CLMN: variants seen among roughly 807,000 people sequenced by gnomAD.
CLMN encodes the protein calmin.
A neutral mutation model predicts 92.7 loss-of-function variants in CLMN; 57 were observed. The observed-to-expected ratio is 0.61, with a 90% CI of 0.50 to 0.77. The LOEUF (loss-of-function observed/expected upper bound fraction) is 0.77. Among genes scored for constraint, CLMN ranks in the 30% least tolerant of loss-of-function variants. CLMN has a pLI of 0.00. For synonymous variants in CLMN, 466 were observed against 470.6 expected, an observed-to-expected ratio of 0.99 and a Z score of 0.13; for missense variants, 1,158 against 1,237.5, an observed-to-expected ratio of 0.94 and a Z score of 0.96.
chr14:95,198,515 G>A (rs1478927971), intron 9 of CLMN, among the ~76,000 whole-genome samples: 4 of 151,920 alleles, frequency 2.6e-5, no homozygotes, highest in Non-Finnish European at 5.9e-5. Context: ...GCTGCACTTG[G>A]GAGCAAATTG....
At chr14:95,318,333 C>T (rs913697657) in intron 1 of CLMN, among the ~76,000 whole-genome samples, 3 of 152,220 alleles carry the variant, frequency 2.0e-5, no homozygotes, top group East Asian at 1.9e-4. Context: ...ACATCCCAGC[C>T]CAAGCCTCCT....
In CLMN at chr14:95,294,220, G is replaced by A. The variant is rs1900717852; in HGVS notation, c.82+25491C>T. Among the ~76,000 whole-genome samples, 1 of 152,228 alleles carries A rather than the reference G, an allele frequency of 6.6e-6. No homozygotes were observed. The highest frequency in any genetic ancestry group is 1.5e-5 in the Non-Finnish European group (1 of 68,036). Reference sequence around the variant, plus strand: ...TGCTAAGCACCTACTATGTGCCAGGGACTGGACAGACTACAAAGATGAGGA... The same window carrying A: ...TGCTAAGCACCTACTATGTGCCAGGAACTGGACAGACTACAAAGATGAGGA... On this transcript the variant is annotated intron_variant, in intron 1 of 12. Coordinates refer to ENST00000298912, the MANE Select transcript of CLMN (RefSeq NM_024734.4). This position sits in a 1 kb window ranked among gnomAD's most constrained non-coding sequence, Gnocchi z 4.2.
intron 6 of CLMN, among the ~76,000 whole-genome samples, chr14:95,212,598 C>A (rs1897229364): frequency 6.6e-6 from 1 of 152,080 alleles, no homozygotes; most frequent in Non-Finnish European, 1.5e-5. Context: ...CTGGAAGATA[C>A]CCTGAAGCTT....
rs1263881917 is a variant in CLMN at position 95,209,402 on chromosome 14, A to G, written c.878T>C (p.Leu293Ser). 6.2e-7 allele frequency: 1 copy of G among 1,614,058 alleles called. No individual in the cohort carries two copies. Among genetic ancestry groups the G allele is most frequent in the South Asian group, 1.1e-5 (1 of 91,080 alleles). Residue 293 changes from leucine to serine, a missense_variant, in exon 8 of 13, where the codon TTG (leucine) becomes TCG (serine). Physicochemically the swap from Leu to Ser is moderately radical, Grantham distance 145. Coordinates refer to ENST00000298912, the MANE Select transcript of CLMN (RefSeq NM_024734.4). ...TAAGAAAAGCAAACATACGGCTTCCAACTCCGGAAAACGTTCTAGAAACTG... is the reference window on the plus strand; with the variant it reads ...TAAGAAAAGCAAACATACGGCTTCCGACTCCGGAAAACGTTCTAGAAACTG... ...VAQFLERFPELEAEDIFDSDK... is the reference protein window; with the variant it reads ...VAQFLERFPESEAEDIFDSDK...
At chr14:95,254,477 G>A (rs1595063076) in intron 1 of CLMN, among the ~76,000 whole-genome samples, 1 of 152,134 alleles carries the variant, frequency 6.6e-6, no homozygotes, top group East Asian at 1.9e-4. Context: ...GTGGAGCTGT[G>A]TAGAATATAC....
chr14:95,246,580 T>C (rs1292202506), intron 1 of CLMN, among the ~76,000 whole-genome samples: 1 of 152,216 alleles, frequency 6.6e-6, no homozygotes, highest in Admixed American at 6.5e-5. Flanking sequence ...GCCATTCTCT[T>C]GCCTCAGCCT....
intron 1 of CLMN, among the ~76,000 whole-genome samples, chr14:95,242,975 T>C (rs544584443): frequency 1.6e-4 from 24 of 152,302 alleles, no homozygotes; most frequent in Non-Finnish European, 2.6e-4. Context: ...AAGGGCCACA[T>C]AGTAAATGTT....
At chr14:95,287,465 T>C (rs1900389204) in intron 1 of CLMN, among the ~76,000 whole-genome samples, 3 of 152,168 alleles carry the variant, frequency 2.0e-5, no homozygotes, top group Admixed American at 2.0e-4. Context: ...TCCCTGTTTG[T>C]CACTTACTTG....
intron 1 of CLMN, among the ~76,000 whole-genome samples, chr14:95,290,961 A>G (rs1184423173): frequency 1.3e-5 from 2 of 152,168 alleles, no homozygotes; most frequent in Non-Finnish European, 2.9e-5. Context: ...TGCAGCAGAG[A>G]TGACACAAAC....
At chr14:95,214,868 A>G (rs1354036858) in intron 5 of CLMN, among the ~76,000 whole-genome samples, 1 of 151,872 alleles carries the variant, frequency 6.6e-6, no homozygotes. Flanking sequence ...CGTGTGGATC[A>G]CTTTCACTCT....
At chr14:95,307,863 G>A (rs957060410) in intron 1 of CLMN, 1 of 152,216 alleles carries the variant, frequency 6.6e-6, no homozygotes, top group Non-Finnish European at 1.5e-5. Context: ...AGATATCACA[G>A]TGTGCTGTGA....
At chr14:95,312,288 T>C (rs1335140425) in intron 1 of CLMN, among the ~76,000 whole-genome samples, 1 of 152,090 alleles carries the variant, frequency 6.6e-6, no homozygotes. Flanking sequence ...GCTCCCAGAA[T>C]TTCAGGGGGA....
At chr14:95,317,483 A>T (rs768679004) in intron 1 of CLMN, among the ~76,000 whole-genome samples, 15 of 152,134 alleles carry the variant, frequency 9.9e-5, no homozygotes, top group Non-Finnish European at 1.3e-4. Flanking sequence ...AAGGTCCCTC[A>T]ACAGGTGAAT....
intron 10 of CLMN, among the ~76,000 whole-genome samples, chr14:95,195,018 G>A (rs1896664109): frequency 1.3e-5 from 2 of 152,210 alleles, no homozygotes; most frequent in Non-Finnish European, 2.9e-5. Flanking sequence ...AAATGTACAA[G>A]TGGGAATGCT....
intron 1 of CLMN, among the ~76,000 whole-genome samples, chr14:95,277,121 T>A (rs1209065741): frequency 6.8e-6 from 1 of 148,010 alleles, no homozygotes; most frequent in East Asian, 1.9e-4. Flanking sequence ...GAATGAATGG[T>A]AAAAATCATT....
chr14:95,274,978 C>CAAAAAAA (rs5810718), intron 1 of CLMN, among the ~76,000 whole-genome samples: 1 of 76,382 alleles, frequency 1.3e-5, no homozygotes, highest in African/African-American at 4.5e-5. Context: ...CACTCTGTCT[C>CAAAAAAA]AAAAAAAAAA....
chr14:95,236,709 C>T (rs1360579119), intron 1 of CLMN, among the ~76,000 whole-genome samples: 2 of 152,216 alleles, frequency 1.3e-5, no homozygotes, highest in African/African-American at 4.8e-5. Flanking sequence ...AGAGTTTCAG[C>T]AACAGGAGGG....
At chr14:95,244,516 C>T (rs572639565) in intron 1 of CLMN, among the ~76,000 whole-genome samples, 2 of 152,214 alleles carry the variant, frequency 1.3e-5, no homozygotes, top group East Asian at 1.9e-4. Flanking sequence ...AACTTAACAT[C>T]GCATAGAAAA....
At chr14:95,281,304 G>A (rs571782118) in intron 1 of CLMN, among the ~76,000 whole-genome samples, 1 of 152,262 alleles carries the variant, frequency 6.6e-6, no homozygotes, top group Admixed American at 6.5e-5. Flanking sequence ...TAAAAAGAAG[G>A]CTATATGGCA....
Sources: allele counts gnomAD v4.1 joint callset (sites outside exome capture counted in the v4.1 genomes callset), GRCh38; gene constraint gnomAD v4.1.1; non-coding constraint Gnocchi (gnomAD v3.1); transcripts MANE v1.5; gene names NCBI Gene and HGNC (gene_info 2026-07-23, HGNC 2026-07-21).